Variants in BCKDHB observed in about 807,000 individuals in gnomAD.
The protein encoded by BCKDHB is 2-oxoisovalerate dehydrogenase subunit beta, mitochondrial.
In BCKDHB, 41 loss-of-function variants were observed where a neutral mutation model predicts 48.5. The observed-to-expected ratio is 0.85, with a 90% CI of 0.66 to 1.10. The LOEUF is 1.10. Ranked by LOEUF, BCKDHB falls within the 50% of genes least tolerant of loss-of-function variation. The pLI is 0.00. For synonymous variants in BCKDHB, 201 were observed against 174.8 expected (o/e 1.15, Z -1.18); for missense variants, 496 against 494.2 (o/e 1.00, Z -0.03).
intron 9 of BCKDHB, among the ~76,000 whole-genome samples, chr6:80,326,346 G>A (rs1457427236): frequency 2.0e-5 from 3 of 152,186 alleles, no homozygotes; most frequent in Non-Finnish European, 4.4e-5. Flanking sequence ...CCAGGCTGAG[G>A]CATCACTTAG....
intron 9 of BCKDHB, among the ~76,000 whole-genome samples, chr6:80,307,092 G>A (rs1448127434): frequency 6.6e-6 from 1 of 152,140 alleles, no homozygotes; most frequent in African/African-American, 2.4e-5. Context: ...TCGCTCCCTA[G>A]TCCTTCAACT....
chr6:80,338,002 T>C (rs998762204), intron 9 of BCKDHB, among the ~76,000 whole-genome samples: 3 of 152,188 alleles, frequency 2.0e-5, no homozygotes, highest in African/African-American at 4.8e-5. Context: ...TAGGAACATA[T>C]ATAAAAGACC....
At chr6:80,265,575 G>T (rs372290734) in intron 8 of BCKDHB, among the ~76,000 whole-genome samples, 8 of 152,050 alleles carry the variant, frequency 5.3e-5, no homozygotes, top group African/African-American at 1.7e-4. Context: ...TTGTTTAATG[G>T]CTACAGAGTT....
the BCKDHB span, among the ~76,000 whole-genome samples, chr6:80,407,451 A>G: frequency 1.3e-5 from 2 of 152,142 alleles, no homozygotes; most frequent in African/African-American, 2.4e-5. Context: ...CTTGGGCAGT[A>G]TGGCCATTTT....
chr6:80,338,202 G>T (rs1249716737), intron 9 of BCKDHB, among the ~76,000 whole-genome samples: 1 of 152,152 alleles, frequency 6.6e-6, no homozygotes, highest in African/African-American at 2.4e-5. Context: ...GCAAATGATT[G>T]CTTTAAAAGC....
chr6:80,121,762 G>A (rs971459167), intron 1 of BCKDHB, among the ~76,000 whole-genome samples: 10 of 152,070 alleles, frequency 6.6e-5, no homozygotes, highest in East Asian at 3.9e-4. Context: ...GGGCTGAGAC[G>A]ATGGGGTTTT....
chr6:80,383,597 G>GT, the BCKDHB span, among the ~76,000 whole-genome samples: 1 of 151,658 alleles, frequency 6.6e-6, no homozygotes, highest in African/African-American at 2.4e-5. Context: ...TTTAAAATGT[G>GT]TCTTTATAGT....
chr6:80,378,815 G>T, the BCKDHB span, among the ~76,000 whole-genome samples: 454 of 152,012 alleles, frequency 3.0e-3, 2 homozygotes, highest in African/African-American at 0.01. Context: ...TTTTAACTTT[G>T]CAATAATAGC....
intron 9 of BCKDHB, among the ~76,000 whole-genome samples, chr6:80,311,605 T>A (rs1445834031): frequency 2.0e-5 from 3 of 152,200 alleles, no homozygotes; most frequent in Non-Finnish European, 4.4e-5. Flanking sequence ...GATTTTTGTA[T>A]ATTGTGTAAA....
intron 8 of BCKDHB, among the ~76,000 whole-genome samples, chr6:80,228,707 C>A (rs73748754): frequency 6.6e-6 from 1 of 152,034 alleles, no homozygotes. Flanking sequence ...TGATAGCCAG[C>A]CTTTGGTGCT....
chr6:80,200,684 T>C (rs1774348574), intron 6 of BCKDHB, among the ~76,000 whole-genome samples: 1 of 152,196 alleles, frequency 6.6e-6, no homozygotes, highest in African/African-American at 2.4e-5. Context: ...ACGATTTCTT[T>C]AGTTTCTAAA....
intron 2 of BCKDHB, among the ~76,000 whole-genome samples, chr6:80,128,907 T>G (rs929297305): frequency 1.4e-5 from 2 of 142,320 alleles, no homozygotes; most frequent in Admixed American, 1.4e-4. Flanking sequence ...TGTGTGTGTG[T>G]GGTAACTGTC....
intron 8 of BCKDHB, among the ~76,000 whole-genome samples, chr6:80,221,099 G>C (rs1325730883): frequency 6.6e-6 from 1 of 152,070 alleles, no homozygotes; most frequent in Non-Finnish European, 1.5e-5. Context: ...TGGAGCAATT[G>C]ATACAACTGT....
At chr6:80,410,171 G>T in the BCKDHB span, among the ~76,000 whole-genome samples, 3 of 152,244 alleles carry the variant, frequency 2.0e-5, no homozygotes, top group Non-Finnish European at 2.9e-5. Context: ...GCAATTGCGT[G>T]TCTCTAAAGG....
At chr6:80,243,100 C>T (rs192622701) in intron 8 of BCKDHB, among the ~76,000 whole-genome samples, 1 of 152,136 alleles carries the variant, frequency 6.6e-6, no homozygotes, top group Non-Finnish European at 1.5e-5. Flanking sequence ...TGGCCAGAAT[C>T]TAGTCACTGA....
intron 8 of BCKDHB, among the ~76,000 whole-genome samples, chr6:80,206,090 A>G (rs1332971566): frequency 6.6e-6 from 1 of 152,022 alleles, no homozygotes; most frequent in African/African-American, 2.4e-5. Flanking sequence ...GTGAAAGGTA[A>G]GTAGAAAATA....
At chr6:80,453,226 A>G in the BCKDHB span, 1 of 152,180 alleles carries the variant, frequency 6.6e-6, no homozygotes, top group African/African-American at 2.4e-5. Flanking sequence ...GGCCAATGAA[A>G]TGCTCTACTG....
At chr6:80,457,862 C>T in the BCKDHB span, among the ~76,000 whole-genome samples, 4 of 152,124 alleles carry the variant, frequency 2.6e-5, no homozygotes, top group African/African-American at 4.8e-5. Context: ...CTTTCGTCTG[C>T]GTCTTAAGAT....
At chr6:80,443,564 T>A in the BCKDHB span, 1 of 152,248 alleles carries the variant, frequency 6.6e-6, no homozygotes, top group African/African-American at 2.4e-5. Flanking sequence ...CAGCTGCTTA[T>A]ATTTGGATTT....
Sources: gnomAD v4.1 joint callset for allele counts (sites outside exome capture counted in the v4.1 genomes callset) on GRCh38, gnomAD v4.1.1 for gene constraint, MANE v1.5 for transcripts, NCBI Gene and HGNC (gene_info 2026-07-23, HGNC 2026-07-21) for gene names.